The following MAP4K1 variants were observed in gnomAD, a reference collection of about 807,000 sequenced individuals.
The protein encoded by MAP4K1 is mitogen-activated protein kinase kinase kinase kinase 1, also known as MAPK/ERK kinase kinase kinase 1.
Under a neutral mutation model 122.8 loss-of-function variants are expected in MAP4K1, and 35 were observed. The observed-to-expected ratio is 0.29, with a 90% CI of 0.22 to 0.38. The LOEUF (loss-of-function observed/expected upper bound fraction) is 0.38. MAP4K1 is among the 10% of genes least tolerant of loss of function. The pLI is 1.00. For synonymous variants in MAP4K1, 412 were observed against 421.3 expected, an observed-to-expected ratio of 0.98 and a Z score of 0.27; for missense variants, 791 against 1,072.6, an observed-to-expected ratio of 0.74 and a Z score of 3.67.
chr19:38,615,775 A>G (rs2144746177), intron 4 of MAP4K1, among the ~76,000 whole-genome samples: 1 of 152,238 alleles, frequency 6.6e-6, no homozygotes, highest in South Asian at 2.1e-4. Flanking sequence ...CTCCTGCCTC[A>G]GCCTCCCGAG....
intron 20 of MAP4K1, among the ~76,000 whole-genome samples, chr19:38,600,779 T>C (rs1975035566): frequency 6.8e-6 from 1 of 147,956 alleles, no homozygotes; most frequent in Non-Finnish European, 1.5e-5. Flanking sequence ...ACTTTCACTC[T>C]CCAACTCATC....
chr19:38,590,101 A>G (rs1273479264), intron 30 of MAP4K1, among the ~76,000 whole-genome samples: 1 of 151,704 alleles, frequency 6.6e-6, no homozygotes, highest in Non-Finnish European at 1.5e-5. Context: ...CCTTAACCAA[A>G]TGACCGAAGT....
rs1975380116 is a variant in MAP4K1 at position 38,607,999 on chromosome 19, C to T, written c.1100G>A (p.Ser367Asn). The T allele has an allele frequency of 6.2e-7, 1 of 1,611,330 alleles. No individual in the cohort carries two copies. The highest frequency in any genetic ancestry group is 1.7e-5 in the Admixed American group (1 of 59,600). ...RLQPPRDLRS[S>N]SPRKQLSESS... ...CCCTGGGGTCCCTGACCTGGGGCTG[C>T]TGCTCCTGAGGTCTCGAGGAGGCTG... The change falls in exon 15 of 31, where the codon AGC (serine) becomes AAC (asparagine). Residue 367 changes from serine (S) to asparagine (N), a missense_variant. Around this residue, in one of 4 missense-constraint regions of MAP4K1, gnomAD observed 303 missense variants for 344.8 expected, o/e 0.88. Coordinates refer to ENST00000396857, the MANE Select transcript of MAP4K1 (RefSeq NM_001042600.3).
intron 4 of MAP4K1, among the ~76,000 whole-genome samples, chr19:38,615,948 C>T (rs1975635867): frequency 6.7e-6 from 1 of 149,668 alleles, no homozygotes; most frequent in Non-Finnish European, 1.5e-5. Flanking sequence ...CGTGAGCCAC[C>T]ACACCAGGCC....
chr19:38,611,942 A>C (rs536645518), intron 9 of MAP4K1, among the ~76,000 whole-genome samples: 1 of 151,300 alleles, frequency 6.6e-6, no homozygotes, highest in South Asian at 2.1e-4. Flanking sequence ...CTACCAAAAC[A>C]TACAAAAATT....
Position 38,609,622 on chromosome 19 carries a change from A to G in MAP4K1, c.980T>C (p.Leu327Pro). The change falls in exon 13 of 31, where the codon CTG (leucine) becomes CCG (proline). Residue 327 changes from leucine (L) to proline (P), a missense_variant. Leu to Pro is a moderately conservative substitution (Grantham distance 98). Transcript: ENST00000396857. ...RIRSTHRSSS[L>P]GIPDADCCRR... ...ACAGCAGTCTGCATCTGGGATCCCC[A>G]GAGAGCTGGAGCGGTGGGTGGATCT... The G allele has an allele frequency of 6.2e-7, 1 of 1,613,926 alleles. No individual in the cohort carries two copies. The highest frequency in any genetic ancestry group is 1.1e-5 in the South Asian group (1 of 91,018).
In MAP4K1 at chr19:38,591,449, T is replaced by C. The variant is rs1224708762; in HGVS notation, c.2396+1833A>G. The stretch of plus-strand genomic sequence containing the variant: ...AGGAGGTTGAGACAGGAGACTTGCC[T>C]GAACCCGGGAGGCAGAGGTTGCAGT... On this transcript the variant is annotated intron_variant, in intron 30 of 30. Transcript: ENST00000396857. 1.2e-4 allele frequency among the ~76,000 whole-genome samples: 17 copies of C among 144,952 alleles called. No individual in the cohort carries two copies. In the East Asian group the frequency reaches 3.1e-3, roughly 26 times the overall value.
At chr19:38,591,496 C>T (rs1251562018) in intron 30 of MAP4K1, among the ~76,000 whole-genome samples, 10 of 142,614 alleles carry the variant, frequency 7.0e-5, no homozygotes, top group Non-Finnish European at 1.4e-4. Flanking sequence ...CACTGCACTC[C>T]AGCCTGGGCC....
Position 38,607,981 on chromosome 19 carries a change from G to T in MAP4K1, c.1109+9C>A. On this transcript the variant is annotated intron_variant, in intron 15 of 30. Coordinates refer to ENST00000396857, the MANE Select transcript of MAP4K1 (RefSeq NM_001042600.3). ...CAGCCCCCTCCCCATCCTCCCTGGGGTCCCTGACCTGGGGCTGCTGCTCCT... is the reference window on the plus strand; with the variant it reads ...CAGCCCCCTCCCCATCCTCCCTGGGTTCCCTGACCTGGGGCTGCTGCTCCT... 6.2e-7 allele frequency: 1 copy of T among 1,611,828 alleles called. No homozygotes were observed. Among genetic ancestry groups the T allele is most frequent in the Non-Finnish European group, 8.5e-7 (1 of 1,179,016 alleles).
In MAP4K1 at chr19:38,609,685, G is replaced by C. The variant is rs771796640; in HGVS notation, c.928-11C>G. 4 of 1,607,502 alleles carry C rather than the reference G, an allele frequency of 2.5e-6. No individual in the cohort carries two copies. Among genetic ancestry groups the C allele is most frequent in the Non-Finnish European group, 3.4e-6 (4 of 1,177,130 alleles). On this transcript the variant is annotated splice_polypyrimidine_tract_variant and intron_variant, in intron 12 of 30. Coordinates refer to ENST00000396857, the MANE Select transcript of MAP4K1 (RefSeq NM_001042600.3). ...GATAGCAGGGGGTAGCTGGGCAGAG[G>C]GGCAGCCACGTCAGGGCTCAAGACC...
chr19:38,610,372 A>ATTTTTTTTTTTTTTTTTT (rs35103992), intron 11 of MAP4K1, among the ~76,000 whole-genome samples: 1 of 76,196 alleles, frequency 1.3e-5, no homozygotes, highest in African/African-American at 6.0e-5. Context: ...CGCCCAGCTA[A>ATTTTTTTTTTTTTTTTTT]TTTTTTTTTT....
rs1238066548 is a variant in MAP4K1, at chr19:38,595,699, G to A, written c.2210C>T (p.Ser737Phe). Residue 737 changes from serine (S) to phenylalanine (F), a missense_variant, in exon 28 of 31, where the codon TCC (serine) becomes TTC (phenylalanine). Ser to Phe is a radical substitution (Grantham distance 155). Coordinates refer to ENST00000396857, the MANE Select transcript of MAP4K1 (RefSeq NM_001042600.3). ...AGGTGTGCGAAGTCCCCGGACTGGG[G>A]ACCCCTCCGGGGTCACCAGCTTCAC... is the stretch of plus-strand genomic sequence containing the variant. ...GSVKLVTPEG[S>F]PVRGLRTPEI... 1.2e-6 allele frequency: 2 copies of A among 1,611,608 alleles called. No individual in the cohort carries two copies. Among genetic ancestry groups the A allele is most frequent in the Non-Finnish European group, 1.7e-6 (2 of 1,178,850 alleles).
At chr19:38,591,144 T>C (rs921466322) in intron 30 of MAP4K1, among the ~76,000 whole-genome samples, 4 of 150,936 alleles carry the variant, frequency 2.7e-5, no homozygotes, top group African/African-American at 9.8e-5. Context: ...GAGCTGAGAT[T>C]ATGCCATTGC....
At chr19:38,601,349 C>A in intron 20 of MAP4K1, 92 bp downstream of exon 20, 1 of 1,174,090 alleles carries the variant, frequency 8.5e-7, no homozygotes, top group South Asian at 1.3e-5. Context: ...TCCTCCCCGT[C>A]CCTGCCTTTG....
At chr19:38,594,086 A>G (rs1167207300) in intron 29 of MAP4K1, among the ~76,000 whole-genome samples, 1 of 152,080 alleles carries the variant, frequency 6.6e-6, no homozygotes, top group Admixed American at 6.6e-5. Flanking sequence ...ATATATCTCT[A>G]TAGTGGTCCC....
intron 16 of MAP4K1, 65 bp from the exon 17 acceptor site, chr19:38,606,280 T>A: frequency 1.3e-6 from 1 of 799,544 alleles, no homozygotes; most frequent in Non-Finnish European, 2.0e-6. Flanking sequence ...GAAGATGGCA[T>A]GGTTCTGGGC....
intron 20 of MAP4K1, 39 bp downstream of exon 20, chr19:38,601,402 A>C: frequency 6.4e-7 from 1 of 1,558,364 alleles, no homozygotes; most frequent in South Asian, 1.2e-5. Flanking sequence ...TTGCTCTCCC[A>C]TTCCCTACAG....
intron 8 of MAP4K1, 28 bp downstream of exon 8, chr19:38,613,852 C>G (rs1975570876): frequency 3.2e-6 from 5 of 1,570,646 alleles, no homozygotes; most frequent in Non-Finnish European, 4.3e-6. Context: ...CCCACTCCAC[C>G]CCTAGCTGCC....
chr19:38,607,559 C>CAAAAAA (rs759008757), intron 16 of MAP4K1, among the ~76,000 whole-genome samples: 7 of 55,022 alleles, frequency 1.3e-4, no homozygotes, highest in African/African-American at 1.4e-4. Flanking sequence ...GACTCCATCT[C>CAAAAAA]AAAAAAAAAA....
Sources: allele counts gnomAD v4.1 joint callset (sites outside exome capture counted in the v4.1 genomes callset), GRCh38; gene constraint gnomAD v4.1.1; regional missense constraint gnomAD v4.1.1; transcripts MANE v1.5; gene names NCBI Gene and HGNC (gene_info 2026-07-23, HGNC 2026-07-21).